CSMD1: variants seen among roughly 807,000 people sequenced by gnomAD.
CSMD1 encodes CUB and Sushi multiple domains 1.
CSMD1 carries 213 observed loss-of-function variants against 417.5 expected under a neutral mutation model. The ratio of observed to expected loss-of-function variants is 0.51; its 90% CI spans 0.46 to 0.57. The LOEUF (loss-of-function observed/expected upper bound fraction) is 0.57, where lower values mean the gene tolerates loss of function less well. Ranked by LOEUF, CSMD1 falls within the 20% of genes least tolerant of loss-of-function variation. The pLI is 0.00. For synonymous variants in CSMD1, 2,862 were observed against 1,736.8 expected, an observed-to-expected ratio of 1.65 and a Z score of -16.11; for missense variants, 6,923 against 4,529.7, an observed-to-expected ratio of 1.53 and a Z score of -15.17.
At chr8:3,975,526 G>A (rs991765763) in intron 5 of CSMD1, among the ~76,000 whole-genome samples, 4 of 152,154 alleles carry the variant, frequency 2.6e-5, no homozygotes, top group Non-Finnish European at 5.9e-5. Context: ...ACAGGTTGCT[G>A]CTGCCATGGC....
chr8:4,647,382 G>A (rs1031017171), intron 1 of CSMD1, among the ~76,000 whole-genome samples: 14 of 151,130 alleles, frequency 9.3e-5, no homozygotes, highest in Admixed American at 2.0e-4. Context: ...GTAGGTACGC[G>A]TGTGCCACGG....
chr8:4,195,939 C>T (rs573256895), intron 3 of CSMD1, among the ~76,000 whole-genome samples: 3 of 152,062 alleles, frequency 2.0e-5, no homozygotes, highest in African/African-American at 4.8e-5. Context: ...AGGCCGGGCG[C>T]GGTGGCTCAC....
intron 3 of CSMD1, among the ~76,000 whole-genome samples, chr8:4,407,032 G>A (rs1006442439): frequency 6.6e-6 from 1 of 152,124 alleles, no homozygotes; most frequent in African/African-American, 2.4e-5. Flanking sequence ...CCCTGTCTTG[G>A]TAAATAAAGA....
chr8:4,727,347 T>G (rs1397878737), intron 1 of CSMD1, among the ~76,000 whole-genome samples: 1 of 152,070 alleles, frequency 6.6e-6, no homozygotes, highest in Non-Finnish European at 1.5e-5. Context: ...GACCATGAAA[T>G]AAAATGTTCA....
Position 4,217,663 on chromosome 8 carries a change from A to G in CSMD1, c.416-185564T>C, listed in dbSNP as rs563292727. Among the ~76,000 whole-genome samples the G allele has an allele frequency of 4.7e-4, 71 of 151,964 alleles. 1 individual carries two copies. The highest frequency in any genetic ancestry group is 4.7e-3 in the Admixed American group (71 of 15,258). On this transcript the variant is annotated intron_variant, in intron 3 of 69. Transcript: ENST00000635120. ...TGACTCAGTTGACCTCATCAGAAAA[A>G]AAAAAAAATTAGGAGCTAATTTTGT...
At chr8:3,332,147 ATGTT>A (rs1806945124) in intron 23 of CSMD1, among the ~76,000 whole-genome samples, 1 of 152,250 alleles carries the variant, frequency 6.6e-6, no homozygotes, top group Admixed American at 6.5e-5. Context: ...ATAAATGTAA[ATGTT>A]TGTTGAGATA....
At chr8:4,732,508 T>C (rs1444456728) in intron 1 of CSMD1, among the ~76,000 whole-genome samples, 2 of 152,070 alleles carry the variant, frequency 1.3e-5, no homozygotes, top group Non-Finnish European at 2.9e-5. Flanking sequence ...ACTTTTCGAG[T>C]AACTTTGCCA....
chr8:4,389,074 C>T (rs1803664566), intron 3 of CSMD1, among the ~76,000 whole-genome samples: 1 of 152,160 alleles, frequency 6.6e-6, no homozygotes, highest in African/African-American at 2.4e-5. Context: ...TTTTCTCTTA[C>T]TCTACATTAT....
intron 3 of CSMD1, among the ~76,000 whole-genome samples, chr8:4,279,641 C>T (rs1796671942): frequency 6.6e-6 from 1 of 152,166 alleles, no homozygotes; most frequent in South Asian, 2.1e-4. Flanking sequence ...GATGTGGTAA[C>T]TCATTCGAGT....
chr8:4,113,535 G>C (rs904161385), intron 3 of CSMD1, among the ~76,000 whole-genome samples: 5 of 151,784 alleles, frequency 3.3e-5, no homozygotes, highest in Non-Finnish European at 5.9e-5. Flanking sequence ...CTCCTGAGTA[G>C]CTGGGATTAC....
intron 33 of CSMD1, among the ~76,000 whole-genome samples, chr8:3,190,944 A>G (rs1451027071): frequency 6.6e-6 from 1 of 152,186 alleles, no homozygotes; most frequent in Non-Finnish European, 1.5e-5. Flanking sequence ...AGAGATTTAC[A>G]ATGGTAGTTA....
chr8:4,468,899 G>A (rs1476556398), intron 2 of CSMD1, among the ~76,000 whole-genome samples: 1 of 152,016 alleles, frequency 6.6e-6, no homozygotes, highest in South Asian at 2.1e-4. Context: ...GAATATTTTG[G>A]CTAATAGGAA....
intron 46 of CSMD1, among the ~76,000 whole-genome samples, chr8:3,098,373 C>A (rs767304632): frequency 6.6e-6 from 1 of 152,150 alleles, no homozygotes; most frequent in Admixed American, 6.5e-5. Context: ...CAAGTAACTG[C>A]CTTTTGAAAA....
At chr8:3,201,476 T>C (rs1158025669) in intron 32 of CSMD1, 136 bp downstream of exon 32, 1 of 465,656 alleles carries the variant, frequency 2.1e-6, no homozygotes, top group East Asian at 3.3e-5. Context: ...AAATAAGATT[T>C]TTCTAAGCAC....
At chr8:3,308,806 C>T (rs933400984) in intron 23 of CSMD1, among the ~76,000 whole-genome samples, 1 of 144,536 alleles carries the variant, frequency 6.9e-6, no homozygotes, top group African/African-American at 2.5e-5. Context: ...TCACTGCAAC[C>T]TCCACCTCCC....
rs529578547 is a variant in CSMD1, at chr8:3,450,129, G to C, written c.1561+18583C>G. On this transcript the variant is annotated intron_variant, in intron 12 of 69. Transcript: ENST00000635120. ...TTTCATGTATGTGTCCTGCACATCAGGATTTGCTTCGATGACGAACGTTGA... is the reference window on the plus strand; with the variant it reads ...TTTCATGTATGTGTCCTGCACATCACGATTTGCTTCGATGACGAACGTTGA... Among the ~76,000 whole-genome samples, 4 of 152,244 alleles carry C rather than the reference G, an allele frequency of 2.6e-5. 1 individual carries two copies. Among genetic ancestry groups the C allele is most frequent in the Non-Finnish European group, 1.5e-5 (1 of 68,030 alleles).
At chr8:3,038,385 T>A (rs916114751) in intron 50 of CSMD1, among the ~76,000 whole-genome samples, 3 of 152,220 alleles carry the variant, frequency 2.0e-5, no homozygotes, top group African/African-American at 7.2e-5. Context: ...GTATGACTGA[T>A]CCAAGCATAG....
At chr8:4,620,449 A>C (rs1224953869) in intron 2 of CSMD1, among the ~76,000 whole-genome samples, 1 of 151,654 alleles carries the variant, frequency 6.6e-6, no homozygotes, top group Admixed American at 6.6e-5. Context: ...ATAATCATAG[A>C]TAACGCTTTC....
chr8:4,473,805 GA>G (rs1171165996), intron 2 of CSMD1, among the ~76,000 whole-genome samples: 1 of 152,040 alleles, frequency 6.6e-6, no homozygotes, highest in South Asian at 2.1e-4. Context: ...TAAAATGACA[GA>G]AAAATAGAGA....
Sources: allele counts gnomAD v4.1 joint callset (sites outside exome capture counted in the v4.1 genomes callset), GRCh38; gene constraint gnomAD v4.1.1; transcripts MANE v1.5; gene names NCBI Gene and HGNC (gene_info 2026-07-23, HGNC 2026-07-21).